The following FBXL14 variants were observed in gnomAD, a reference collection of about 807,000 sequenced individuals.
FBXL14 encodes the protein F-box and leucine rich repeat protein 14, also known as F-box/LRR-repeat protein 14.
FBXL14 carries 11 observed loss-of-function variants against 24.5 expected under a neutral mutation model. That is an observed-to-expected ratio of 0.45 (90% CI 0.28 to 0.74). FBXL14 has a LOEUF of 0.74. Among genes scored for constraint, FBXL14 ranks in the 30% least tolerant of loss-of-function variants. The pLI, the probability that FBXL14 is intolerant of heterozygous loss-of-function variation, is 0.12. For synonymous variants in FBXL14, 294 were observed against 240.4 expected, an observed-to-expected ratio of 1.22 and a Z score of -2.06; for missense variants, 384 against 545.6, an observed-to-expected ratio of 0.70 and a Z score of 2.95.
At chr12:1,575,616 C>T (rs1485228016) in intron 1 of FBXL14, among the ~76,000 whole-genome samples, 2 of 152,210 alleles carry the variant, frequency 1.3e-5, no homozygotes. Context: ...CGAATCGGCC[C>T]TCTCCAGCTC....
Position 1,586,463 on chromosome 12 carries a change from G to A in FBXL14, c.1194+6410C>T, listed in dbSNP as rs7316601. ...TTCAAGTGATCCTCCCACCTCAGCC[G>A]AGTGAGTAGCTGGGACTACAGATGT... On this transcript the variant is annotated intron_variant, in intron 1 of 1. Transcript: ENST00000339235. Among the ~76,000 whole-genome samples the A allele has an allele frequency of 1.2e-3, 177 of 152,060 alleles. 1 individual carries two copies. Among genetic ancestry groups the A allele is most frequent in the African/African-American group, 4.1e-3 (172 of 41,486 alleles).
Position 1,585,186 on chromosome 12 carries a change from CAGG to C in FBXL14, c.1194+7684_1194+7686del, listed in dbSNP as rs571431647. Among the ~76,000 whole-genome samples the C allele has an allele frequency of 1.4e-3, 219 of 152,286 alleles. 2 individuals are homozygous for C. Among genetic ancestry groups the C allele is most frequent in the Non-Finnish European group, 2.9e-3 (197 of 68,022 alleles). On this transcript the variant is annotated intron_variant, in intron 1 of 1. Coordinates refer to ENST00000339235, the MANE Select transcript of FBXL14 (RefSeq NM_152441.3). ...GGCCGAGGCAGGCGGATCACAAGGT[CAGG>C]AGATCGAGACCATCCTGACTAACAT...
intron 1 of FBXL14, among the ~76,000 whole-genome samples, chr12:1,581,377 G>T (rs928836748): frequency 1.3e-5 from 2 of 152,202 alleles, no homozygotes; most frequent in Non-Finnish European, 2.9e-5. Context: ...CCCTACAAGA[G>T]AAACGTGCAT....
chr12:1,587,864 A>G (rs1295291874), intron 1 of FBXL14, among the ~76,000 whole-genome samples: 1 of 152,200 alleles, frequency 6.6e-6, no homozygotes, highest in Non-Finnish European at 1.5e-5. Context: ...CATGATCCAC[A>G]TTATTTCATC....
intron 1 of FBXL14, among the ~76,000 whole-genome samples, chr12:1,571,593 G>C (rs2094445642): frequency 1.3e-5 from 2 of 152,206 alleles, no homozygotes; most frequent in South Asian, 4.1e-4. Context: ...TTTTGAAAAA[G>C]AGACTTGAAA....
intron 1 of FBXL14, among the ~76,000 whole-genome samples, chr12:1,573,747 G>A (rs2094449639): frequency 6.6e-6 from 1 of 152,238 alleles, no homozygotes; most frequent in Non-Finnish European, 1.5e-5. Flanking sequence ...GCTCACACCT[G>A]TAATCCCAAC....
At position 1,579,747 on chromosome 12, in the gene FBXL14, G is replaced by A. The variant is rs901295861; in HGVS notation, c.1195-12937C>T. Among the ~76,000 whole-genome samples the A allele has an allele frequency of 2.6e-5, 4 of 152,206 alleles. No homozygotes were observed. The highest frequency in any genetic ancestry group is 9.7e-5 in the African/African-American group (4 of 41,448). Reference sequence around the variant, plus strand: ...GACTTTTAACTCTCAGAGCTGAACAGTCTAATCCTTGATCATTCCAGAGTG... The same window carrying A: ...GACTTTTAACTCTCAGAGCTGAACAATCTAATCCTTGATCATTCCAGAGTG... On this transcript the variant is annotated intron_variant, in intron 1 of 1. Coordinates refer to ENST00000339235, the MANE Select transcript of FBXL14 (RefSeq NM_152441.3). The surrounding 1 kb of genome is among the most constrained non-coding windows in gnomAD (Gnocchi z 4.3).
chr12:1,592,307 A>G (rs2094492341), intron 1 of FBXL14, among the ~76,000 whole-genome samples: 2 of 151,666 alleles, frequency 1.3e-5, no homozygotes, highest in African/African-American at 2.4e-5. Flanking sequence ...AAAGAAGATT[A>G]AGAACATGAA....
rs373045752 is a variant in FBXL14, at chr12:1,569,562, G to A, written c.1195-2752C>T. 5.3e-5 allele frequency among the ~76,000 whole-genome samples: 8 copies of A among 152,156 alleles called. No individual in the cohort carries two copies. Among genetic ancestry groups the A allele is most frequent in the South Asian group, 2.1e-4 (1 of 4,826 alleles). On this transcript the variant is annotated intron_variant, in intron 1 of 1. Transcript: ENST00000339235. The surrounding 1 kb of genome is among the most constrained non-coding windows in gnomAD (Gnocchi z 4.2). ...ATTACAGGCGCCCGCCACCACGCCC[G>A]GCTAATTTTTTGTGTTTTTAGTAGA... is the stretch of plus-strand genomic sequence containing the variant.
At chr12:1,591,210 A>G (rs2094488771) in intron 1 of FBXL14, among the ~76,000 whole-genome samples, 1 of 152,202 alleles carries the variant, frequency 6.6e-6, no homozygotes. Flanking sequence ...AATTCTACCC[A>G]TGAGTTGACT....
chr12:1,571,259 A>G (rs944465455), intron 1 of FBXL14, among the ~76,000 whole-genome samples: 1 of 151,820 alleles, frequency 6.6e-6, no homozygotes, highest in Non-Finnish European at 1.5e-5. Flanking sequence ...GCCAGGCTGG[A>G]GTGCAATGGC....
chr12:1,571,292 T>A (rs1043457495), intron 1 of FBXL14, among the ~76,000 whole-genome samples: 1 of 152,072 alleles, frequency 6.6e-6, no homozygotes, highest in African/African-American at 2.4e-5. Flanking sequence ...CACTGCAACC[T>A]CTGCCTCCCA....
At chr12:1,572,629 GC>G (rs143727477) in intron 1 of FBXL14, among the ~76,000 whole-genome samples, 102,104 of 151,864 alleles carry the variant, frequency 0.67, 35,667 homozygotes, top group Middle Eastern at 0.79. Context: ...GGTCGGGGAA[GC>G]GGGGGGGCAG....
At chr12:1,576,618 C>T (rs2094456487) in intron 1 of FBXL14, among the ~76,000 whole-genome samples, 3 of 152,136 alleles carry the variant, frequency 2.0e-5, no homozygotes, top group South Asian at 4.1e-4. Context: ...ATACACGAGA[C>T]GCACTCCCAT....
At chr12:1,581,314 G>C (rs1179701920) in intron 1 of FBXL14, among the ~76,000 whole-genome samples, 1 of 152,168 alleles carries the variant, frequency 6.6e-6, no homozygotes, top group East Asian at 1.9e-4. Flanking sequence ...GGGCTGTGTG[G>C]ATTTGCAGAC....
intron 1 of FBXL14, chr12:1,574,585 T>C (rs995636747): frequency 8.4e-6 from 2 of 236,736 alleles, no homozygotes; most frequent in African/African-American, 4.8e-5. Context: ...TGAGTGCTGG[T>C]AAAGGCCACC....
chr12:1,591,243 A>C (rs1360798851), intron 1 of FBXL14, among the ~76,000 whole-genome samples: 1 of 152,132 alleles, frequency 6.6e-6, no homozygotes, highest in Non-Finnish European at 1.5e-5. Flanking sequence ...GGATGCACCA[A>C]ACTCCACCTT....
At chr12:1,588,319 A>G (rs868643048) in intron 1 of FBXL14, among the ~76,000 whole-genome samples, 3 of 152,246 alleles carry the variant, frequency 2.0e-5, no homozygotes, top group Non-Finnish European at 2.9e-5. Context: ...TCAGGAAAGC[A>G]GCAGGATTTG....
intron 1 of FBXL14, among the ~76,000 whole-genome samples, chr12:1,570,256 A>C (rs1457821621): frequency 6.6e-6 from 1 of 152,172 alleles, no homozygotes; most frequent in Non-Finnish European, 1.5e-5. Context: ...GCCAATCAAG[A>C]GTGGGTTATC....
Sources: gnomAD v4.1 joint callset for allele counts (sites outside exome capture counted in the v4.1 genomes callset) on GRCh38, gnomAD v4.1.1 for gene constraint, Gnocchi (gnomAD v3.1) non-coding constraint, MANE v1.5 for transcripts, NCBI Gene and HGNC (gene_info 2026-07-23, HGNC 2026-07-21) for gene names.